Variants in PCDH15 observed in about 807,000 individuals in gnomAD.
PCDH15 encodes protocadherin-15.
In PCDH15, 129 loss-of-function variants were observed where a neutral mutation model predicts 178.5. That is an observed-to-expected ratio of 0.72 (90% CI 0.63 to 0.84). The LOEUF (loss-of-function observed/expected upper bound fraction) is 0.84. Ranked by LOEUF, PCDH15 falls within the 40% of genes least tolerant of loss-of-function variation. The pLI, the probability that PCDH15 is intolerant of heterozygous loss-of-function variation, is 0.00. For missense variants in PCDH15, 2,230 were observed against 2,099.9 expected (o/e 1.06, Z -1.21); for synonymous variants, 800 against 732.0 (o/e 1.09, Z -1.50).
At chr10:54,467,005 G>T (rs987286340) in intron 3 of PCDH15, among the ~76,000 whole-genome samples, 2 of 151,710 alleles carry the variant, frequency 1.3e-5, no homozygotes, top group Non-Finnish European at 2.9e-5. Context: ...GATTAATATT[G>T]TATCCTGTAA....
At chr10:54,868,952 G>A (rs1953987338) in intron 3 of PCDH15, 1 of 152,036 alleles carries the variant, frequency 6.6e-6, no homozygotes, top group Admixed American at 6.6e-5. Flanking sequence ...AATCACAGAA[G>A]CCATAGCATG....
chr10:55,508,112 A>T (rs1565206792), intron 2 of PCDH15, among the ~76,000 whole-genome samples: 1 of 151,624 alleles, frequency 6.6e-6, no homozygotes, highest in Non-Finnish European at 1.5e-5. Context: ...AGATTTTATT[A>T]TGACTTGGTG....
chr10:55,222,718 C>CAT (rs1840913173), intron 1 of PCDH15, among the ~76,000 whole-genome samples: 2 of 24,452 alleles, frequency 8.2e-5, no homozygotes, highest in Admixed American at 1.2e-3. Flanking sequence ...TATACACACA[C>CAT]ACACACACAC....
chr10:55,164,834 C>A (rs563672158), intron 2 of PCDH15, among the ~76,000 whole-genome samples: 1 of 152,070 alleles, frequency 6.6e-6, no homozygotes, highest in Non-Finnish European at 1.5e-5. Context: ...TCTTACTACG[C>A]AAGCGGATTG....
intron 3 of PCDH15, among the ~76,000 whole-genome samples, chr10:54,820,603 G>A (rs563375358): frequency 8.2e-4 from 124 of 151,852 alleles, no homozygotes; most frequent in Non-Finnish European, 1.6e-3. Context: ...TATCATTTAC[G>A]TTAAATGTTG....
At chr10:55,423,672 A>T (rs529071891) in intron 2 of PCDH15, among the ~76,000 whole-genome samples, 1 of 152,188 alleles carries the variant, frequency 6.6e-6, no homozygotes, top group South Asian at 2.1e-4. Context: ...CACCTACTAG[A>T]CTACAGAGGA....
chr10:54,432,293 A>AT (rs1053152132), intron 3 of PCDH15, among the ~76,000 whole-genome samples: 1 of 151,822 alleles, frequency 6.6e-6, no homozygotes, highest in Middle Eastern at 3.2e-3. Context: ...CAAACAAAAA[A>AT]AACCTGGAGA....
intron 1 of PCDH15, among the ~76,000 whole-genome samples, chr10:54,795,034 T>C (rs551044019): frequency 6.6e-6 from 1 of 151,926 alleles, no homozygotes; most frequent in Admixed American, 6.6e-5. Flanking sequence ...CCTTAGTACT[T>C]TCATATTATA....
chr10:54,172,108 T>A (rs1022487625), intron 13 of PCDH15, among the ~76,000 whole-genome samples: 5 of 152,094 alleles, frequency 3.3e-5, no homozygotes, highest in African/African-American at 7.2e-5. Context: ...TGACTTGCAC[T>A]TATACGCCCA....
intron 2 of PCDH15, among the ~76,000 whole-genome samples, chr10:55,444,526 A>C: frequency 6.6e-6 from 1 of 152,136 alleles, no homozygotes; most frequent in East Asian, 1.9e-4. Context: ...TCATAGTAAA[A>C]GAAAAATAAA....
intron 2 of PCDH15, among the ~76,000 whole-genome samples, chr10:55,094,668 A>C (rs1046367716): frequency 6.6e-6 from 1 of 152,080 alleles, no homozygotes; most frequent in Non-Finnish European, 1.5e-5. Context: ...ATCATACGTC[A>C]ATGTTTTTAG....
At chr10:54,066,653 A>G in intron 18 of PCDH15, 104 bp downstream of exon 18, 1 of 1,156,686 alleles carries the variant, frequency 8.6e-7, no homozygotes, top group Non-Finnish European at 1.3e-6. Context: ...CAGCACAGTC[A>G]TTTAACAGAT....
chr10:53,985,893 A>G (rs970187358), intron 21 of PCDH15, among the ~76,000 whole-genome samples: 1 of 152,210 alleles, frequency 6.6e-6, no homozygotes, highest in Non-Finnish European at 1.5e-5. Flanking sequence ...GTAAACATAA[A>G]AAAAAGATAG....
intron 2 of PCDH15, among the ~76,000 whole-genome samples, chr10:55,103,778 A>G (rs1842621538): frequency 6.6e-6 from 1 of 152,066 alleles, no homozygotes; most frequent in Non-Finnish European, 1.5e-5. Flanking sequence ...GTGTTTAGGG[A>G]CAAGTAGACC....
At position 53,808,818 on chromosome 10, in the gene PCDH15, GCTA is replaced by G. The variant is rs776674600; in HGVS notation, c.4672-1691_4672-1689del. Reference sequence around the variant, plus strand: ...CTCCAGACTGACTTTCGCTACTACTGCTACTACTACCTGATTCTGATTCCTCCT... The same window carrying G: ...CTCCAGACTGACTTTCGCTACTACTGCTACTACCTGATTCTGATTCCTCCT... On this transcript the variant is annotated intron_variant, in intron 37 of 37. Coordinates refer to ENST00000644397, the MANE Select transcript of PCDH15 (RefSeq NM_001384140.1). 32 of 1,611,186 alleles carry G rather than the reference GCTA, an allele frequency of 2.0e-5. No homozygotes were observed. The South Asian group carries it at 2.9e-4, about 15-fold the overall frequency.
intron 1 of PCDH15, among the ~76,000 whole-genome samples, chr10:54,676,211 T>G (rs1249760424): frequency 6.6e-6 from 1 of 151,976 alleles, no homozygotes; most frequent in Non-Finnish European, 1.5e-5. Flanking sequence ...AAGAATAAAA[T>G]TCTAATATAC....
intron 1 of PCDH15, among the ~76,000 whole-genome samples, chr10:54,766,910 AC>A (rs1161212271): frequency 3.3e-5 from 5 of 151,734 alleles, no homozygotes; most frequent in Admixed American, 2.6e-4. Context: ...AGCCTGGGCG[AC>A]AGAGCGAGAC....
At chr10:54,982,505 T>G (rs1045425620) in intron 2 of PCDH15, among the ~76,000 whole-genome samples, 2 of 152,174 alleles carry the variant, frequency 1.3e-5, no homozygotes, top group Non-Finnish European at 2.9e-5. Flanking sequence ...GGAAATATAT[T>G]TTAGAAGAGA....
chr10:54,639,192 G>A (rs1370772596), intron 2 of PCDH15, among the ~76,000 whole-genome samples: 1 of 151,958 alleles, frequency 6.6e-6, no homozygotes, highest in Non-Finnish European at 1.5e-5. Flanking sequence ...ATAAATAAAC[G>A]ATAAATCCAA....
Sources: allele counts gnomAD v4.1 joint callset (sites outside exome capture counted in the v4.1 genomes callset), GRCh38; gene constraint gnomAD v4.1.1; transcripts MANE v1.5; gene names NCBI Gene and HGNC (gene_info 2026-07-23, HGNC 2026-07-21).